Variants in DPYSL2 observed in about 807,000 individuals in gnomAD.
DPYSL2 encodes the protein dihydropyrimidinase-related protein 2.
In DPYSL2, 13 loss-of-function variants were observed where a neutral mutation model predicts 69.9. The ratio of observed to expected loss-of-function variants is 0.19; its 90% CI spans 0.12 to 0.30. The LOEUF is 0.30. DPYSL2 is among the 10% of genes least tolerant of loss of function. The pLI is 1.00. For missense variants in DPYSL2, 587 were observed against 918.9 expected, an observed-to-expected ratio of 0.64 and a Z score of 4.67; for synonymous variants, 326 against 359.1, an observed-to-expected ratio of 0.91 and a Z score of 1.04.
At chr8:26,529,561 C>T (rs1800464584) in intron 1 of DPYSL2, among the ~76,000 whole-genome samples, 1 of 151,986 alleles carries the variant, frequency 6.6e-6, no homozygotes. Flanking sequence ...AAGGGATCCT[C>T]CTGCCTCAGC....
chr8:26,520,841 C>T (rs1012165176), intron 1 of DPYSL2, among the ~76,000 whole-genome samples: 1 of 151,986 alleles, frequency 6.6e-6, no homozygotes, highest in African/African-American at 2.4e-5. Context: ...TGAGGACCCA[C>T]CTTATGGTTT....
chr8:26,525,993 A>G (rs756971527), intron 1 of DPYSL2, among the ~76,000 whole-genome samples: 2 of 152,100 alleles, frequency 1.3e-5, no homozygotes, highest in Non-Finnish European at 2.9e-5. Context: ...TATTTCTGTG[A>G]CATTTCTTGT....
chr8:26,527,395 A>G (rs1469279171), intron 1 of DPYSL2, among the ~76,000 whole-genome samples: 2 of 152,190 alleles, frequency 1.3e-5, no homozygotes, highest in Non-Finnish European at 2.9e-5. Flanking sequence ...CTTGTGGTGT[A>G]GTAATTTTTC....
At position 26,652,361 on chromosome 8, in the gene DPYSL2, C is replaced by T. The variant is rs139997920; in HGVS notation, c.1701C>T (p.Thr567=). The T allele has an allele frequency of 8.2e-5, 133 of 1,614,170 alleles. No homozygotes were observed. The highest frequency in any genetic ancestry group is 2.0e-4 in the South Asian group (18 of 91,076). Residue 567 remains threonine, a synonymous_variant, in exon 12 of 14, where the codon ACC becomes ACT. Transcript: ENST00000521913. This position sits in a 1 kb window ranked among gnomAD's most constrained non-coding sequence, Gnocchi z 6.3. ...IVLEDGTLHV[T]EGSGRYIPRK... is the part of the protein sequence containing the mutation. Reference sequence around the variant, plus strand: ...TGGAGGACGGCACCCTGCATGTCACCGAAGGCTCTGGACGCTACATTCCCC... The same window carrying T: ...TGGAGGACGGCACCCTGCATGTCACTGAAGGCTCTGGACGCTACATTCCCC...
chr8:26,579,653 G>A (rs923369434), intron 1 of DPYSL2, among the ~76,000 whole-genome samples: 1 of 152,180 alleles, frequency 6.6e-6, no homozygotes, highest in South Asian at 2.1e-4. Context: ...GGGAGGGGGC[G>A]TGTGCTCGGA....
chr8:26,602,987 G>A (rs907615829), intron 3 of DPYSL2, among the ~76,000 whole-genome samples: 1 of 152,164 alleles, frequency 6.6e-6, no homozygotes, highest in South Asian at 2.1e-4. Flanking sequence ...CAGGAGAAGG[G>A]AGTGTCCACC....
In DPYSL2 at chr8:26,586,765, A is replaced by G. The variant is rs1388235080; in HGVS notation, c.628+2782A>G. On this transcript the variant is annotated intron_variant, in intron 3 of 13. Transcript: ENST00000521913. This position sits in a 1 kb window ranked among gnomAD's most constrained non-coding sequence, Gnocchi z 4.7. ...GGCCTTATGGGCAGGTGGTCCGGAA[A>G]GGGGAGTGAGGAGTCTGACCGCCTG... Among the ~76,000 whole-genome samples, 2 of 152,192 alleles carry G rather than the reference A, an allele frequency of 1.3e-5. No homozygotes were observed. The highest frequency in any genetic ancestry group is 2.9e-5 in the Non-Finnish European group (2 of 68,040).
chr8:26,606,758 G>A (rs1802115086), intron 3 of DPYSL2, among the ~76,000 whole-genome samples: 2 of 152,086 alleles, frequency 1.3e-5, no homozygotes, highest in Non-Finnish European at 2.9e-5. Flanking sequence ...CTATGTTGGA[G>A]GATTCACTTT....
intron 2 of DPYSL2, 94 bp from the exon 3 acceptor site, chr8:26,583,705 G>A (rs749951785): frequency 1.3e-5 from 15 of 1,166,288 alleles, no homozygotes; most frequent in South Asian, 1.5e-5. Context: ...GGCACAGAGC[G>A]GAGGATAGTT....
In DPYSL2 at chr8:26,657,705, T is replaced by C. The variant is rs1803424993; in HGVS notation, c.*1999T>C. 1 of 152,676 alleles carries C rather than the reference T, an allele frequency of 6.5e-6. No individual in the cohort carries two copies. Among genetic ancestry groups the C allele is most frequent in the South Asian group, 2.1e-4 (1 of 4,838 alleles). The allele number at this position is 152,676 out of a possible 1,614,324, so 9.5% of individuals were successfully genotyped here. A position where few individuals can be genotyped will look rare whatever the true frequency, so the allele number is the denominator to read the frequency against. On this transcript the variant is annotated 3_prime_UTR_variant, in exon 14 of 14. Coordinates refer to ENST00000521913, the MANE Select transcript of DPYSL2 (RefSeq NM_001197293.3). ...TAAGAAACACTTGCAGCTCTAGTAT[T>C]CACTTGAGTCTTCCTGTTTTTCCTG...
rs138698509 is a variant in DPYSL2 at position 26,588,141 on chromosome 8, C to T, written c.628+4158C>T. 3.3e-5 allele frequency among the ~76,000 whole-genome samples: 5 copies of T among 152,318 alleles called. No homozygotes were observed. Among genetic ancestry groups the T allele is most frequent in the African/African-American group, 1.2e-4 (5 of 41,566 alleles). ...CATGTGGTAGCTATTGTCATTCCAT[C>T]CTTGCTGGGTACTGACACCCTCCCA... is the stretch of plus-strand genomic sequence containing the variant. On this transcript the variant is annotated intron_variant, in intron 3 of 13. Transcript: ENST00000521913. The surrounding 1 kb of genome is among the most constrained non-coding windows in gnomAD (Gnocchi z 5.4).
chr8:26,557,848 A>C (rs1389440740), intron 1 of DPYSL2, among the ~76,000 whole-genome samples: 3 of 151,884 alleles, frequency 2.0e-5, no homozygotes, highest in African/African-American at 7.3e-5. Context: ...ACCTGTTAGG[A>C]TGGCCAACAT....
intron 3 of DPYSL2, among the ~76,000 whole-genome samples, chr8:26,606,770 A>G (rs1802115283): frequency 6.6e-6 from 1 of 152,204 alleles, no homozygotes. Flanking sequence ...ATTCACTTTT[A>G]TCTGTTTTAT....
In DPYSL2 at chr8:26,514,723, G is replaced by A; in HGVS notation, c.354+44G>A. On this transcript the variant is annotated intron_variant, in intron 1 of 13. Coordinates refer to ENST00000521913, the MANE Select transcript of DPYSL2 (RefSeq NM_001197293.3). This position sits in a 1 kb window ranked among gnomAD's most constrained non-coding sequence, Gnocchi z 8.4. Reference sequence around the variant, plus strand: ...GGTGGAGACGGAGGACGGGGCGCGGGGATCGCCCCTCCCTCGCCCCTGAGC... The same window carrying A: ...GGTGGAGACGGAGGACGGGGCGCGGAGATCGCCCCTCCCTCGCCCCTGAGC... 7.5e-7 allele frequency: 1 copy of A among 1,331,916 alleles called. No homozygotes were observed. Among genetic ancestry groups the A allele is most frequent in the Non-Finnish European group, 9.7e-7 (1 of 1,032,614 alleles). 82.5% of individuals were successfully genotyped at this position (1,331,916 alleles called of 1,614,324 possible).
chr8:26,580,320 C>G lies in DPYSL2; in HGVS notation c.355-1649C>G, dbSNP rs1801463879. Among the ~76,000 whole-genome samples the G allele has an allele frequency of 6.6e-6, 1 of 152,222 alleles. No homozygotes were observed. Among genetic ancestry groups the G allele is most frequent in the African/African-American group, 2.4e-5 (1 of 41,458 alleles). ...GACCTGGGCAAGTGGCCTAACCTCT[C>G]TGAGCCTCAGTTTCCTTATGTGTCA... On this transcript the variant is annotated intron_variant, in intron 1 of 13. Coordinates refer to ENST00000521913, the MANE Select transcript of DPYSL2 (RefSeq NM_001197293.3). This position sits in a 1 kb window ranked among gnomAD's most constrained non-coding sequence, Gnocchi z 4.1.
intron 1 of DPYSL2, among the ~76,000 whole-genome samples, chr8:26,528,572 G>A (rs903212400): frequency 9.2e-5 from 14 of 151,806 alleles, no homozygotes; most frequent in East Asian, 3.9e-4. Flanking sequence ...GCTTGAACCC[G>A]GTGGGTGGAG....
At chr8:26,557,221 T>C (rs978052731) in intron 1 of DPYSL2, among the ~76,000 whole-genome samples, 1 of 152,208 alleles carries the variant, frequency 6.6e-6, no homozygotes, top group Non-Finnish European at 1.5e-5. Context: ...AAAAAACTTC[T>C]GCTCTGTGAA....
intron 1 of DPYSL2, among the ~76,000 whole-genome samples, chr8:26,575,083 G>C (rs1801304968): frequency 6.6e-6 from 1 of 152,336 alleles, no homozygotes; most frequent in South Asian, 2.1e-4. Context: ...ACCGGCCCCA[G>C]CCACCATGCC....
At chr8:26,639,121 C>CA (rs1802985376) in intron 8 of DPYSL2, among the ~76,000 whole-genome samples, 1 of 152,158 alleles carries the variant, frequency 6.6e-6, no homozygotes, top group African/African-American at 2.4e-5. Context: ...AGGAGTGACT[C>CA]AAACGTTATG....
Sources: gnomAD v4.1 joint callset for allele counts (sites outside exome capture counted in the v4.1 genomes callset) on GRCh38, gnomAD v4.1.1 for gene constraint, Gnocchi (gnomAD v3.1) non-coding constraint, MANE v1.5 for transcripts, NCBI Gene and HGNC (gene_info 2026-07-23, HGNC 2026-07-21) for gene names.